Variants in SND1 observed in about 807,000 individuals in gnomAD.
SND1 encodes staphylococcal nuclease and tudor domain containing 1, also known as staphylococcal nuclease domain-containing protein 1.
In SND1, 38 loss-of-function variants were observed where a neutral mutation model predicts 121.7. The ratio of observed to expected loss-of-function variants is 0.31; its 90% CI spans 0.24 to 0.41. The LOEUF (loss-of-function observed/expected upper bound fraction) is 0.41, where lower values mean the gene tolerates loss of function less well. Among genes scored for constraint, SND1 ranks in the 10% least tolerant of loss-of-function variants. The pLI is 1.00. For synonymous variants in SND1, 401 were observed against 447.4 expected, an observed-to-expected ratio of 0.90 and a Z score of 1.31; for missense variants, 868 against 1,184.6, an observed-to-expected ratio of 0.73 and a Z score of 3.92.
intron 13 of SND1, among the ~76,000 whole-genome samples, chr7:127,896,853 T>G (rs1447058400): frequency 6.6e-6 from 1 of 152,090 alleles, no homozygotes. Context: ...AGTGTTACAG[T>G]GCTTGCTTGC....
intron 16 of SND1, among the ~76,000 whole-genome samples, chr7:127,995,545 G>T (rs773691378): frequency 5.3e-5 from 8 of 152,254 alleles, no homozygotes; most frequent in Non-Finnish European, 8.8e-5. Context: ...CAGTTTTTAT[G>T]TGGTCCTGGA....
At position 128,089,692 on chromosome 7, in the gene SND1, G is replaced by A; in HGVS notation, c.2622G>A (p.Val874=). ...EVRKEKQFQK[V]ITEYLNAQES... is the part of the protein sequence containing the mutation. ...GCAAGGAGAAACAGTTCCAGAAAGT[G>A]GTATGTGATGTGGAGAGGCGGCCCC... The change falls in exon 22 of 24, where the codon GTG becomes GTA. Residue 874 remains valine (V), a splice_region_variant and synonymous_variant. Coordinates refer to ENST00000354725, the MANE Select transcript of SND1 (RefSeq NM_014390.4). 1 of 1,613,920 alleles carries A rather than the reference G, an allele frequency of 6.2e-7. No homozygotes were observed. Among genetic ancestry groups the A allele is most frequent in the Non-Finnish European group, 8.5e-7 (1 of 1,179,916 alleles).
Position 127,970,908 on chromosome 7 carries a change from G to A in SND1, c.1670-20039G>A, listed in dbSNP as rs553113944. ...GAGGATCACTTGAGCCCAGGAGTTTGAGACCAGCCTGGGCAACAAAGCGAG... is the reference window on the plus strand; with the variant it reads ...GAGGATCACTTGAGCCCAGGAGTTTAAGACCAGCCTGGGCAACAAAGCGAG... On this transcript the variant is annotated intron_variant, in intron 15 of 23. Coordinates refer to ENST00000354725, the MANE Select transcript of SND1 (RefSeq NM_014390.4). Among the ~76,000 whole-genome samples the A allele has an allele frequency of 2.6e-5, 4 of 152,156 alleles. No individual in the cohort carries two copies. The South Asian group carries it at 8.3e-4, about 32-fold the overall frequency.
At chr7:127,809,372 C>T (rs1798294272) in intron 11 of SND1, among the ~76,000 whole-genome samples, 1 of 152,306 alleles carries the variant, frequency 6.6e-6, no homozygotes, top group African/African-American at 2.4e-5. Flanking sequence ...CAACTCAGCT[C>T]TGCTGGGCTG....
chr7:127,960,632 C>G (rs1283047140), intron 15 of SND1, among the ~76,000 whole-genome samples: 1 of 152,114 alleles, frequency 6.6e-6, no homozygotes, highest in African/African-American at 2.4e-5. Flanking sequence ...ATTCTGTAGC[C>G]CTAGGCTTAT....
chr7:127,684,782 G>A (rs1795784469), intron 1 of SND1, among the ~76,000 whole-genome samples: 1 of 152,132 alleles, frequency 6.6e-6, no homozygotes, highest in African/African-American at 2.4e-5. Flanking sequence ...TTTTGTGTGT[G>A]TGTGCCATGG....
At chr7:127,931,740 T>C (rs1800959061) in intron 15 of SND1, among the ~76,000 whole-genome samples, 1 of 152,200 alleles carries the variant, frequency 6.6e-6, no homozygotes, top group Non-Finnish European at 1.5e-5. Flanking sequence ...CCATTGCTCA[T>C]TGACCATTCC....
chr7:127,777,780 A>AT (rs146964672), intron 10 of SND1, among the ~76,000 whole-genome samples: 4 of 151,732 alleles, frequency 2.6e-5, no homozygotes, highest in Non-Finnish European at 5.9e-5. Context: ...GGTTCGAGCA[A>AT]TTTTTTTTGC....
At chr7:128,080,964 C>G (rs1255140757) in intron 17 of SND1, among the ~76,000 whole-genome samples, 1 of 151,812 alleles carries the variant, frequency 6.6e-6, no homozygotes, top group African/African-American at 2.4e-5. Context: ...CAGGGCCGAT[C>G]CCATTTGCCC....
intron 14 of SND1, among the ~76,000 whole-genome samples, chr7:127,922,194 T>TGTTTG (rs1563058996): frequency 7.9e-5 from 5 of 63,594 alleles, no homozygotes; most frequent in Admixed American, 3.1e-4. Context: ...TTTTTTTTTT[T>TGTTTG]TTTTTTTTTG....
At chr7:127,908,499 G>C (rs1458117916) in intron 14 of SND1, among the ~76,000 whole-genome samples, 1 of 152,040 alleles carries the variant, frequency 6.6e-6, no homozygotes, top group African/African-American at 2.4e-5. Flanking sequence ...TTTTCACAGA[G>C]TAGGAACTGG....
Position 127,875,011 on chromosome 7 carries a change from A to T in SND1, c.1344-12891A>T, listed in dbSNP as rs528682437. ...ACAGGCTAAGAATCAGAAGGCTCTTAGATGCCCATTATGCTGGTGTCACTC... is the reference window on the plus strand; with the variant it reads ...ACAGGCTAAGAATCAGAAGGCTCTTTGATGCCCATTATGCTGGTGTCACTC... On this transcript the variant is annotated intron_variant, in intron 12 of 23. Transcript: ENST00000354725. 8.5e-5 allele frequency among the ~76,000 whole-genome samples: 13 copies of T among 152,316 alleles called. No homozygotes were observed. In the South Asian group the frequency reaches 1.7e-3, roughly 19 times the overall value.
chr7:127,674,316 C>T (rs565800140), intron 1 of SND1, among the ~76,000 whole-genome samples: 7 of 152,210 alleles, frequency 4.6e-5, no homozygotes, highest in Non-Finnish European at 7.4e-5. Context: ...ATAAACAACA[C>T]ACATGTATCT....
At chr7:128,069,475 T>C (rs749855497) in intron 16 of SND1, among the ~76,000 whole-genome samples, 1 of 152,312 alleles carries the variant, frequency 6.6e-6, no homozygotes, top group East Asian at 1.9e-4. Context: ...GGAGTTGATA[T>C]CTGACTCCAG....
chr7:127,978,002 A>C (rs117358182), intron 15 of SND1, among the ~76,000 whole-genome samples: 2 of 152,320 alleles, frequency 1.3e-5, no homozygotes, highest in East Asian at 3.9e-4. Flanking sequence ...AGGTCTTGGC[A>C]GGACATCCAA....
intron 10 of SND1, among the ~76,000 whole-genome samples, chr7:127,791,528 A>T (rs1219135567): frequency 6.6e-6 from 1 of 152,148 alleles, no homozygotes; most frequent in Non-Finnish European, 1.5e-5. Flanking sequence ...TACAGCTCTG[A>T]AATGTTAAAT....
chr7:128,061,242 G>C (rs1423251565), intron 16 of SND1, among the ~76,000 whole-genome samples: 1 of 152,208 alleles, frequency 6.6e-6, no homozygotes, highest in African/African-American at 2.4e-5. Flanking sequence ...GATGGGCAGA[G>C]AGTCACATCA....
chr7:127,695,708 C>T (rs550695066), intron 3 of SND1, among the ~76,000 whole-genome samples: 3 of 152,196 alleles, frequency 2.0e-5, no homozygotes, highest in East Asian at 1.9e-4. Flanking sequence ...CGCCTGTAGT[C>T]GTAGCTACTC....
chr7:127,711,543 T>G (rs1033723373), intron 9 of SND1, among the ~76,000 whole-genome samples: 5 of 152,152 alleles, frequency 3.3e-5, no homozygotes, highest in African/African-American at 1.2e-4. Flanking sequence ...AAATTCTTTT[T>G]GATCCTAGTG....
Sources: allele counts gnomAD v4.1 joint callset (sites outside exome capture counted in the v4.1 genomes callset), GRCh38; gene constraint gnomAD v4.1.1; transcripts MANE v1.5; gene names NCBI Gene and HGNC (gene_info 2026-07-23, HGNC 2026-07-21).